The following IQCH variants were observed in gnomAD, a reference collection of about 807,000 sequenced individuals.
IQCH encodes the protein IQ motif containing H, also known as IQ domain-containing protein H.
A neutral mutation model predicts 117.0 loss-of-function variants in IQCH; 98 were observed. The ratio of observed to expected loss-of-function variants is 0.84; its 90% CI spans 0.71 to 0.99. IQCH has a LOEUF of 0.99. Among genes scored for constraint, IQCH ranks in the 50% least tolerant of loss-of-function variants. The probability of loss-of-function intolerance (pLI) is 0.00; values close to 1 mark genes in which losing one functional copy is unlikely to be tolerated. For missense variants in IQCH, 1,102 were observed against 1,243.8 expected, an observed-to-expected ratio of 0.89 and a Z score of 1.72; for synonymous variants, 412 against 448.2, an observed-to-expected ratio of 0.92 and a Z score of 1.02.
intron 4 of IQCH, among the ~76,000 whole-genome samples, chr15:67,317,812 A>G (rs1967920429): frequency 1.3e-5 from 2 of 152,016 alleles, no homozygotes; most frequent in South Asian, 4.2e-4. Context: ...GTGACAGGGC[A>G]GGGAGGGTCT....
intron 17 of IQCH, among the ~76,000 whole-genome samples, chr15:67,471,667 A>G (rs1282767755): frequency 6.6e-6 from 1 of 152,242 alleles, no homozygotes; most frequent in Admixed American, 6.5e-5. Context: ...TATTTAGTTT[A>G]ATATGTGAAA....
At chr15:67,438,118 G>A (rs571499721) in intron 16 of IQCH, among the ~76,000 whole-genome samples, 4 of 152,134 alleles carry the variant, frequency 2.6e-5, no homozygotes, top group African/African-American at 7.2e-5. Context: ...AATTTAAGAC[G>A]AAGGAAAGAA....
In IQCH at chr15:67,476,462, G is replaced by A. The variant is rs1167780847; in HGVS notation, c.2799+644G>A. ...ATTTAACCTTAATCACTTCCTTAGA[G>A]GCCCTAGCTCCAATACAGTCACTTG... is the stretch of plus-strand genomic sequence containing the variant. On this transcript the variant is annotated intron_variant, in intron 18 of 20. Coordinates refer to ENST00000335894, the MANE Select transcript of IQCH (RefSeq NM_001031715.3). The surrounding 1 kb of genome is among the most constrained non-coding windows in gnomAD (Gnocchi z 4.1). Among the ~76,000 whole-genome samples the A allele has an allele frequency of 8.5e-5, 13 of 152,110 alleles. No homozygotes were observed. The highest frequency in any genetic ancestry group is 8.5e-4 in the Admixed American group (13 of 15,264).
Position 67,342,935 on chromosome 15 carries a change from T to G in IQCH, c.509-1128T>G, listed in dbSNP as rs923255499. Reference sequence around the variant, plus strand: ...GACAGGTTGAGTTGGGGCCCAGGCATCTCCGCTTTTAATAACAAATTCTTC... The same window carrying G: ...GACAGGTTGAGTTGGGGCCCAGGCAGCTCCGCTTTTAATAACAAATTCTTC... On this transcript the variant is annotated intron_variant, in intron 5 of 20. Transcript: ENST00000335894. This position sits in a 1 kb window ranked among gnomAD's most constrained non-coding sequence, Gnocchi z 4.7. Among the ~76,000 whole-genome samples, 1 of 152,154 alleles carries G rather than the reference T, an allele frequency of 6.6e-6. No homozygotes were observed. The highest frequency in any genetic ancestry group is 6.6e-5 in the Admixed American group (1 of 15,266).
At chr15:67,303,885 T>C (rs1456037452) in intron 4 of IQCH, among the ~76,000 whole-genome samples, 2 of 152,212 alleles carry the variant, frequency 1.3e-5, no homozygotes, top group Non-Finnish European at 2.9e-5. Context: ...GTGGTAAATT[T>C]ACCAGGCCCA....
Position 67,366,693 on chromosome 15 carries a change from T to C in IQCH, c.754-5418T>C, listed in dbSNP as rs909505056. 2.6e-5 allele frequency among the ~76,000 whole-genome samples: 4 copies of C among 152,224 alleles called. No individual in the cohort carries two copies. Among genetic ancestry groups the C allele is most frequent in the Admixed American group, 2.6e-4 (4 of 15,288 alleles). ...AGGTTAAGGACTCTGACTTCCACTT[T>C]TAATTGGCACTTAAGGATTACTTAG... On this transcript the variant is annotated intron_variant, in intron 8 of 20. Transcript: ENST00000335894. The surrounding 1 kb of genome is among the most constrained non-coding windows in gnomAD (Gnocchi z 4.4).
Position 67,388,681 on chromosome 15 carries a change from C to A in IQCH, c.1457-150C>A. 1.7e-6 allele frequency: 1 copy of A among 587,758 alleles called. No homozygotes were observed. Among genetic ancestry groups the A allele is most frequent in the Non-Finnish European group, 2.9e-6 (1 of 344,806 alleles). 36.4% of individuals were successfully genotyped at this position (587,758 alleles called of 1,614,324 possible). ...AACTGTAAAAAAGCCAGTTAGATTG[C>A]TCAGATAGTACAAAACCAAACTAAA... On this transcript the variant is annotated intron_variant, in intron 11 of 20. Transcript: ENST00000335894. This position sits in a 1 kb window ranked among gnomAD's most constrained non-coding sequence, Gnocchi z 5.5.
chr15:67,461,083 T>C (rs542953664), intron 16 of IQCH, among the ~76,000 whole-genome samples: 2 of 152,068 alleles, frequency 1.3e-5, no homozygotes, highest in Non-Finnish European at 2.9e-5. Context: ...AAATCAAGAA[T>C]AGGATTAAAT....
chr15:67,351,410 G>T (rs1969658472), intron 6 of IQCH, among the ~76,000 whole-genome samples: 1 of 152,156 alleles, frequency 6.6e-6, no homozygotes, highest in Non-Finnish European at 1.5e-5. Context: ...AATTTATCCA[G>T]TCTTCTGTTG....
chr15:67,376,120 A>G lies in IQCH; in HGVS notation c.1372+2687A>G, dbSNP rs1970729013. 6.6e-6 allele frequency among the ~76,000 whole-genome samples: 1 copy of G among 152,150 alleles called. No individual in the cohort carries two copies. The highest frequency in any genetic ancestry group is 2.4e-5 in the African/African-American group (1 of 41,434). The stretch of plus-strand genomic sequence containing the variant: ...GATTTTATACAAATGACTTGTGAAC[A>G]TTAAATTAAGTAACAACAAGCTGTC... On this transcript the variant is annotated intron_variant, in intron 10 of 20. Transcript: ENST00000335894. The surrounding 1 kb of genome is among the most constrained non-coding windows in gnomAD (Gnocchi z 5.0).
At chr15:67,330,983 G>A (rs536108202) in intron 4 of IQCH, among the ~76,000 whole-genome samples, 1 of 152,142 alleles carries the variant, frequency 6.6e-6, no homozygotes, top group Admixed American at 6.6e-5. Flanking sequence ...AACCCAGAAT[G>A]CCCAGTTCTC....
intron 4 of IQCH, among the ~76,000 whole-genome samples, chr15:67,320,558 A>T (rs1445538234): frequency 6.6e-6 from 1 of 152,226 alleles, no homozygotes; most frequent in African/African-American, 2.4e-5. Context: ...TATAGTGAGA[A>T]AAAATAGCAA....
intron 18 of IQCH, among the ~76,000 whole-genome samples, chr15:67,486,396 G>A (rs1341715676): frequency 6.6e-6 from 1 of 151,784 alleles, no homozygotes; most frequent in Non-Finnish European, 1.5e-5. Flanking sequence ...TTAAAGTATT[G>A]AAAGGAAAGT....
At chr15:67,355,278 A>G (rs1969841879) in intron 6 of IQCH, among the ~76,000 whole-genome samples, 1 of 152,060 alleles carries the variant, frequency 6.6e-6, no homozygotes, top group Admixed American at 6.6e-5. Context: ...CTCTGAAAAA[A>G]CTGGGGCTCT....
chr15:67,440,696 C>T (rs560157351), intron 16 of IQCH, among the ~76,000 whole-genome samples: 17 of 152,198 alleles, frequency 1.1e-4, no homozygotes, highest in African/African-American at 3.6e-4. Flanking sequence ...TCAGCAAAAT[C>T]GGCATACAAG....
At position 67,382,843 on chromosome 15, in the gene IQCH, C is replaced by T. The variant is rs948834275; in HGVS notation, c.1373-2093C>T. ...TATATCCCAAAGTGCAATGTCTCATCGCCACTGGGCCTGTCTACTGAACTC... is the reference window on the plus strand; with the variant it reads ...TATATCCCAAAGTGCAATGTCTCATTGCCACTGGGCCTGTCTACTGAACTC... On this transcript the variant is annotated intron_variant, in intron 10 of 20. Transcript: ENST00000335894. Among the ~76,000 whole-genome samples the T allele has an allele frequency of 5.3e-5, 8 of 152,156 alleles. No individual in the cohort carries two copies. The South Asian group carries it at 6.2e-4, about 12-fold the overall frequency.
At position 67,323,477 on chromosome 15, in the gene IQCH, C is replaced by T. The variant is rs552296895; in HGVS notation, c.388-13498C>T. Among the ~76,000 whole-genome samples, 20 of 152,124 alleles carry T rather than the reference C, an allele frequency of 1.3e-4. No homozygotes were observed. In the East Asian group the frequency reaches 2.7e-3, roughly 21 times the overall value. ...CAGGATGGTCTCAATCTCCTGACCTCGTGATCTGCCTGCCTCAGCCTCCCA... is the reference window on the plus strand; with the variant it reads ...CAGGATGGTCTCAATCTCCTGACCTTGTGATCTGCCTGCCTCAGCCTCCCA... On this transcript the variant is annotated intron_variant, in intron 4 of 20. Transcript: ENST00000335894.
chr15:67,266,377 C>CT (rs1236800466), intron 3 of IQCH, among the ~76,000 whole-genome samples: 2 of 152,090 alleles, frequency 1.3e-5, no homozygotes, highest in Non-Finnish European at 1.5e-5. Flanking sequence ...TCATACTCCG[C>CT]TGGGTGCGGT....
chr15:67,397,781 C>CAG (rs10664139), intron 13 of IQCH, among the ~76,000 whole-genome samples: 150,520 of 152,290 alleles, frequency 0.99, 74,413 homozygotes, highest in Middle Eastern at 1. Flanking sequence ...TAGACTCAAA[C>CAG]AAAAATGATA....
Sources: allele counts gnomAD v4.1 joint callset (sites outside exome capture counted in the v4.1 genomes callset), GRCh38; gene constraint gnomAD v4.1.1; non-coding constraint Gnocchi (gnomAD v3.1); transcripts MANE v1.5; gene names NCBI Gene and HGNC (gene_info 2026-07-23, HGNC 2026-07-21).